Variants in THSD7B observed in about 807,000 individuals in gnomAD.
THSD7B encodes the protein thrombospondin type 1 domain containing 7B, also known as thrombospondin type-1 domain-containing protein 7B.
Under a neutral mutation model 213.6 loss-of-function variants are expected in THSD7B, and 138 were observed. The observed-to-expected ratio is 0.65, with a 90% confidence interval of 0.56 to 0.74. The LOEUF (loss-of-function observed/expected upper bound fraction) is 0.74, where lower values mean the gene tolerates loss of function less well. Among genes scored for constraint, THSD7B ranks in the 30% least tolerant of loss-of-function variants. THSD7B has a pLI of 0.00. For missense variants in THSD7B, 1,931 were observed against 1,991.5 expected, an observed-to-expected ratio of 0.97 and a Z score of 0.58; for synonymous variants, 742 against 687.0, an observed-to-expected ratio of 1.08 and a Z score of -1.25.
chr2:137,644,265 C>T (rs180714773), intron 21 of THSD7B, among the ~76,000 whole-genome samples: 2 of 152,298 alleles, frequency 1.3e-5, no homozygotes, highest in East Asian at 3.9e-4. Context: ...TGGAGCTAGA[C>T]TTAATCTATG....
At chr2:137,451,791 C>T (rs552121296) in intron 15 of THSD7B, among the ~76,000 whole-genome samples, 1 of 152,116 alleles carries the variant, frequency 6.6e-6, no homozygotes, top group Non-Finnish European at 1.5e-5. Context: ...AATCAGTTGA[C>T]TAGGTTGAGT....
chr2:137,614,420 C>T (rs1041636099), intron 17 of THSD7B, among the ~76,000 whole-genome samples: 2 of 152,078 alleles, frequency 1.3e-5, no homozygotes, highest in Non-Finnish European at 2.9e-5. Flanking sequence ...TTACACTAAG[C>T]AGGTACCTAA....
At chr2:137,573,504 T>G (rs533901187) in intron 17 of THSD7B, among the ~76,000 whole-genome samples, 2 of 152,234 alleles carry the variant, frequency 1.3e-5, no homozygotes, top group Non-Finnish European at 2.9e-5. Flanking sequence ...ATTGTTATTT[T>G]TATTTGTTGA....
chr2:137,673,981 C>T lies in THSD7B; in HGVS notation c.4740-2543C>T, dbSNP rs139094904. ...CCAAGGCCTACCTATTAGTAGCCCC[C>T]GCTGGCCACAGTGTCCGTGATTCCA... On this transcript the variant is annotated intron_variant, in intron 27 of 27. Coordinates refer to ENST00000409968, the MANE Select transcript of THSD7B (RefSeq NM_001316349.2). Among the ~76,000 whole-genome samples the T allele has an allele frequency of 8.0e-4, 122 of 152,262 alleles. 2 individuals carry two copies. The highest frequency in any genetic ancestry group is 2.8e-3 in the African/African-American group (115 of 41,532).
intron 1 of THSD7B, among the ~76,000 whole-genome samples, chr2:136,773,088 C>T (rs778293810): frequency 3.9e-5 from 6 of 151,924 alleles, no homozygotes; most frequent in Non-Finnish European, 7.4e-5. Flanking sequence ...GTGTGATCGG[C>T]TGTCTCAGGG....
chr2:137,640,931 A>G (rs1259274987), intron 20 of THSD7B, among the ~76,000 whole-genome samples: 3 of 152,232 alleles, frequency 2.0e-5, no homozygotes, highest in African/African-American at 7.2e-5. Context: ...AGTTTTCTTC[A>G]AGGATACTCT....
chr2:136,874,533 T>A lies in THSD7B; in HGVS notation c.-35-7611T>A, dbSNP rs188945891. Among the ~76,000 whole-genome samples, 480 of 152,372 alleles carry A rather than the reference T, an allele frequency of 3.2e-3. 2 individuals carry two copies. The highest frequency in any genetic ancestry group is 6.8e-3 in the Middle Eastern group (2 of 294). On this transcript the variant is annotated intron_variant, in intron 1 of 27. Coordinates refer to ENST00000409968, the MANE Select transcript of THSD7B (RefSeq NM_001316349.2). Reference sequence around the variant, plus strand: ...TTTTCTCCCACTCATTGCTGTTTCTTTAGGCTGAAAGCAAATTGAAACTAT... The same window carrying A: ...TTTTCTCCCACTCATTGCTGTTTCTATAGGCTGAAAGCAAATTGAAACTAT...
At chr2:137,578,521 G>T (rs1162838037) in intron 17 of THSD7B, among the ~76,000 whole-genome samples, 1 of 152,136 alleles carries the variant, frequency 6.6e-6, no homozygotes, top group East Asian at 1.9e-4. Flanking sequence ...TTAGCAGGAG[G>T]GCTAAATTTA....
intron 7 of THSD7B, among the ~76,000 whole-genome samples, chr2:137,199,404 C>T (rs1300710880): frequency 6.6e-6 from 1 of 152,250 alleles, no homozygotes; most frequent in South Asian, 2.1e-4. Flanking sequence ...CCTCTTCCCT[C>T]TAGTCCCAGT....
At chr2:137,377,827 A>G (rs1685692886) in intron 12 of THSD7B, among the ~76,000 whole-genome samples, 2 of 152,126 alleles carry the variant, frequency 1.3e-5, no homozygotes, top group Non-Finnish European at 2.9e-5. Context: ...GGGTTTCACC[A>G]TGTTGGCCAG....
intron 2 of THSD7B, among the ~76,000 whole-genome samples, chr2:137,010,459 TG>T (rs34762623): frequency 0.01 from 1,583 of 152,324 alleles, 31 homozygotes; most frequent in African/African-American, 0.036. Context: ...GACACGGTTA[TG>T]GGTCTCTGCT....
intron 1 of THSD7B, among the ~76,000 whole-genome samples, chr2:136,770,531 A>G (rs1448059577): frequency 6.6e-6 from 1 of 152,150 alleles, no homozygotes; most frequent in Non-Finnish European, 1.5e-5. Flanking sequence ...TCCCACTATC[A>G]TCCTGGTCCT....
intron 11 of THSD7B, among the ~76,000 whole-genome samples, chr2:137,273,353 T>C (rs1288092563): frequency 2.0e-5 from 3 of 152,108 alleles, no homozygotes; most frequent in Middle Eastern, 3.2e-3. Context: ...AATAGGTTTC[T>C]TTGCTTACTC....
chr2:137,654,756 T>C lies in THSD7B; in HGVS notation c.3946-745T>C, dbSNP rs190284211. ...AGCATTGAATATTTGTTTTTGGTTT[T>C]CTGTGGGGGGCTGGAGGAAGGGTGA... On this transcript the variant is annotated intron_variant, in intron 21 of 27. Transcript: ENST00000409968. Among the ~76,000 whole-genome samples the C allele has an allele frequency of 2.8e-3, 427 of 152,266 alleles. 1 individual carries two copies. Among genetic ancestry groups the C allele is most frequent in the Non-Finnish European group, 5.2e-3 (353 of 68,028 alleles).
chr2:137,642,772 T>C (rs1682963981), intron 21 of THSD7B, 139 bp downstream of exon 21: 1 of 1,039,078 alleles, frequency 9.6e-7, no homozygotes, highest in East Asian at 2.6e-5. Flanking sequence ...ATGCAGAACA[T>C]GGAAAAATAC....
At chr2:136,805,846 G>T (rs1364731805) in intron 1 of THSD7B, among the ~76,000 whole-genome samples, 1 of 152,168 alleles carries the variant, frequency 6.6e-6, no homozygotes, top group African/African-American at 2.4e-5. Context: ...GTCCCTTCAG[G>T]TTAGGGGGTA....
chr2:137,136,499 G>T (rs1679464800), intron 5 of THSD7B, among the ~76,000 whole-genome samples: 1 of 152,174 alleles, frequency 6.6e-6, no homozygotes, highest in African/African-American at 2.4e-5. Context: ...GATTGATGCA[G>T]CTGAGTTCTG....
chr2:137,645,316 C>T (rs1172128243), intron 21 of THSD7B, among the ~76,000 whole-genome samples: 1 of 152,074 alleles, frequency 6.6e-6, no homozygotes, highest in African/African-American at 2.4e-5. Flanking sequence ...GCAGTAATGC[C>T]AATTCATTGT....
intron 1 of THSD7B, among the ~76,000 whole-genome samples, chr2:136,792,695 C>G (rs1039710169): frequency 6.6e-6 from 1 of 151,972 alleles, no homozygotes; most frequent in African/African-American, 2.4e-5. Context: ...ACCAAAGTTC[C>G]TCTGGGATTA....
Sources: allele counts gnomAD v4.1 joint callset (sites outside exome capture counted in the v4.1 genomes callset), GRCh38; gene constraint gnomAD v4.1.1; transcripts MANE v1.5; gene names NCBI Gene and HGNC (gene_info 2026-07-23, HGNC 2026-07-21).